Variants in CNTN5 observed in about 807,000 individuals in gnomAD.
CNTN5 encodes the protein contactin 5, also known as contactin-5.
In CNTN5, 77 loss-of-function variants were observed where a neutral mutation model predicts 129.1. The observed-to-expected ratio is 0.60, with a 90% confidence interval of 0.50 to 0.72. CNTN5 has a LOEUF of 0.72. CNTN5 is among the 30% of genes least tolerant of loss of function. CNTN5 has a pLI of 0.00. For synonymous variants in CNTN5, 509 were observed against 465.6 expected, an observed-to-expected ratio of 1.09 and a Z score of -1.20; for missense variants, 1,478 against 1,328.8, an observed-to-expected ratio of 1.11 and a Z score of -1.75.
chr11:99,661,319 G>T (rs1188164124), intron 3 of CNTN5, among the ~76,000 whole-genome samples: 4 of 152,154 alleles, frequency 2.6e-5, no homozygotes, highest in African/African-American at 7.2e-5. Flanking sequence ...CTGCAAAGCA[G>T]TAATGAAATT....
intron 1 of CNTN5, among the ~76,000 whole-genome samples, chr11:99,157,333 T>A (rs1483672622): frequency 6.6e-6 from 1 of 152,092 alleles, no homozygotes; most frequent in African/African-American, 2.4e-5. Flanking sequence ...TCCTGTTATA[T>A]AGACTTCTGT....
At chr11:99,794,297 TA>T (rs1945858107) in intron 3 of CNTN5, among the ~76,000 whole-genome samples, 1 of 152,110 alleles carries the variant, frequency 6.6e-6, no homozygotes, top group Non-Finnish European at 1.5e-5. Flanking sequence ...TCCATCCCTT[TA>T]CTGTGAAAGT....
chr11:99,111,352 A>G (rs1387619071), intron 1 of CNTN5, among the ~76,000 whole-genome samples: 3 of 151,748 alleles, frequency 2.0e-5, no homozygotes, highest in African/African-American at 7.3e-5. Flanking sequence ...GGAGTGTAGG[A>G]GTTGGTTGGC....
rs533911228 is a variant in CNTN5 at position 99,997,382 on chromosome 11, T to C, written c.878-4652T>C. Among the ~76,000 whole-genome samples the C allele has an allele frequency of 4.1e-3, 624 of 152,218 alleles. 1 individual carries two copies. The highest frequency in any genetic ancestry group is 0.01 in the Middle Eastern group (3 of 294). On this transcript the variant is annotated intron_variant, in intron 8 of 24. Coordinates refer to ENST00000524871, the MANE Select transcript of CNTN5 (RefSeq NM_014361.4). ...TCAGAGAATACTACAAACACCTCTA[T>C]GCAAATAAACTAGAAAATCTAGAAG... is the stretch of plus-strand genomic sequence containing the variant.
chr11:100,022,374 T>C (rs188740033), intron 9 of CNTN5, among the ~76,000 whole-genome samples: 2 of 152,354 alleles, frequency 1.3e-5, no homozygotes, highest in East Asian at 3.9e-4. Context: ...AGCATCCTGC[T>C]ATTTGCTTTC....
chr11:99,779,738 G>A (rs1489468839), intron 3 of CNTN5, among the ~76,000 whole-genome samples: 3 of 151,960 alleles, frequency 2.0e-5, no homozygotes, highest in Non-Finnish European at 4.4e-5. Context: ...TTTAAACTCT[G>A]TTTACTGCTC....
At chr11:99,842,330 G>A (rs898642897) in intron 4 of CNTN5, among the ~76,000 whole-genome samples, 4 of 152,092 alleles carry the variant, frequency 2.6e-5, no homozygotes, top group African/African-American at 9.7e-5. Context: ...ATAATGTCTG[G>A]CATATAGTAA....
At chr11:100,076,627 A>G (rs992748662) in intron 13 of CNTN5, among the ~76,000 whole-genome samples, 2 of 152,036 alleles carry the variant, frequency 1.3e-5, no homozygotes, top group African/African-American at 4.8e-5. Flanking sequence ...CTAGATGTCA[A>G]TACTTCCAGT....
chr11:99,100,220 C>T (rs575094750), intron 1 of CNTN5, among the ~76,000 whole-genome samples: 39 of 152,034 alleles, frequency 2.6e-4, no homozygotes, highest in African/African-American at 5.3e-4. Flanking sequence ...AATATTTTTT[C>T]TCTCTCTCTC....
At chr11:99,657,339 A>G (rs1052460946) in intron 3 of CNTN5, among the ~76,000 whole-genome samples, 11 of 151,896 alleles carry the variant, frequency 7.2e-5, no homozygotes, top group Admixed American at 3.9e-4. Context: ...ACCTGCATCT[A>G]TTTTGGGAAT....
At chr11:99,454,277 T>C (rs1320794952) in intron 2 of CNTN5, among the ~76,000 whole-genome samples, 1 of 152,146 alleles carries the variant, frequency 6.6e-6, no homozygotes, top group African/African-American at 2.4e-5. Context: ...GGTAATGATA[T>C]AGTTGGGCTT....
intron 2 of CNTN5, among the ~76,000 whole-genome samples, chr11:99,387,702 A>G (rs1215641943): frequency 1.3e-5 from 2 of 152,062 alleles, no homozygotes; most frequent in African/African-American, 2.4e-5. Context: ...CCCTGCCACA[A>G]GGACCCTCTG....
At chr11:100,005,819 G>T (rs1220597009) in intron 9 of CNTN5, among the ~76,000 whole-genome samples, 1 of 151,952 alleles carries the variant, frequency 6.6e-6, no homozygotes, top group Non-Finnish European at 1.5e-5. Flanking sequence ...ATGGTTTGAG[G>T]GACAAACAAA....
chr11:99,274,284 A>G (rs1364756425), intron 1 of CNTN5, among the ~76,000 whole-genome samples: 2 of 151,792 alleles, frequency 1.3e-5, no homozygotes, highest in African/African-American at 4.8e-5. Context: ...TCGTGGTGAC[A>G]GAAGCTAATC....
At chr11:99,153,317 G>T (rs1219491224) in intron 1 of CNTN5, among the ~76,000 whole-genome samples, 1 of 151,984 alleles carries the variant, frequency 6.6e-6, no homozygotes, top group Non-Finnish European at 1.5e-5. Flanking sequence ...TTCTTAAAGG[G>T]TTTGTTCATT....
rs117585803 is a variant in CNTN5 at position 100,167,881 on chromosome 11, C to T, written c.1581-23245C>T. Among the ~76,000 whole-genome samples, 868 of 152,058 alleles carry T rather than the reference C, an allele frequency of 5.7e-3. 1 individual carries two copies. The highest frequency in any genetic ancestry group is 9.8e-3 in the Admixed American group (150 of 15,234). On this transcript the variant is annotated intron_variant, in intron 13 of 24. Transcript: ENST00000524871. ...CAGACAGTTAGCCAAGCTGTGAATG[C>T]AACGGAAAAGTCCTGGACAGAATTT...
At chr11:100,128,620 C>A (rs999271092) in intron 13 of CNTN5, among the ~76,000 whole-genome samples, 5 of 152,110 alleles carry the variant, frequency 3.3e-5, no homozygotes, top group Non-Finnish European at 7.4e-5. Flanking sequence ...AAAGATACAG[C>A]TATAGTAGAA....
chr11:100,107,635 G>A (rs1945491528), intron 13 of CNTN5, among the ~76,000 whole-genome samples: 1 of 151,802 alleles, frequency 6.6e-6, no homozygotes, highest in Non-Finnish European at 1.5e-5. Flanking sequence ...CTATTATATA[G>A]TGTAGTTGAG....
chr11:100,051,956 A>G (rs1487094651), intron 9 of CNTN5, among the ~76,000 whole-genome samples: 2 of 151,958 alleles, frequency 1.3e-5, no homozygotes, highest in Non-Finnish European at 2.9e-5. Flanking sequence ...AAAAACCCTT[A>G]TACTATAAAA....
Sources: gnomAD v4.1 joint callset for allele counts (sites outside exome capture counted in the v4.1 genomes callset) on GRCh38, gnomAD v4.1.1 for gene constraint, MANE v1.5 for transcripts, NCBI Gene and HGNC (gene_info 2026-07-23, HGNC 2026-07-21) for gene names.